The following PACS2 variants were observed in gnomAD, a reference collection of about 807,000 sequenced individuals.
PACS2 encodes the protein phosphofurin acidic cluster sorting protein 2.
A neutral mutation model predicts 113.0 loss-of-function variants in PACS2; 36 were observed. The ratio of observed to expected loss-of-function variants is 0.32; its 90% CI spans 0.24 to 0.42. PACS2 has a LOEUF of 0.42. Among genes scored for constraint, PACS2 ranks in the 10% least tolerant of loss-of-function variants. The probability of loss-of-function intolerance (pLI) is 1.00; values close to 1 mark genes in which losing one functional copy is unlikely to be tolerated. For missense variants in PACS2, 1,015 were observed against 1,239.5 expected, an observed-to-expected ratio of 0.82 and a Z score of 2.72; for synonymous variants, 589 against 536.1, an observed-to-expected ratio of 1.10 and a Z score of -1.36.
At position 105,358,132 on chromosome 14, in the gene PACS2, A is replaced by T. The variant is rs1433006213; in HGVS notation, c.423+2955A>T. Among the ~76,000 whole-genome samples the T allele has an allele frequency of 1.3e-5, 2 of 152,164 alleles. No homozygotes were observed. The highest frequency in any genetic ancestry group is 4.8e-5 in the African/African-American group (2 of 41,448). On this transcript the variant is annotated intron_variant, in intron 4 of 24. Transcript: ENST00000447393. The surrounding 1 kb of genome is among the most constrained non-coding windows in gnomAD (Gnocchi z 4.9). ...CACCATAGCTCTGCCCTCACCTGGC[A>T]CTCATTCTGTGTGAGCTGAGGCCCA... is the stretch of plus-strand genomic sequence containing the variant.
chr14:105,351,322 G>A (rs1202708537), intron 2 of PACS2, among the ~76,000 whole-genome samples: 3 of 152,160 alleles, frequency 2.0e-5, no homozygotes, highest in South Asian at 2.1e-4. Flanking sequence ...TGTCTTTCAC[G>A]CAAATGACTC....
Position 105,391,640 on chromosome 14 carries a change from A to C in PACS2, c.2129A>C (p.Asp710Ala), listed in dbSNP as rs1451165425. 5 of 1,609,590 alleles carry C rather than the reference A, an allele frequency of 3.1e-6. No homozygotes were observed. Among genetic ancestry groups the C allele is most frequent in the Admixed American group, 1.7e-5 (1 of 59,854 alleles). ...TGACTCCTCCCCAAAGGCGACTCGG[A>C]CGACGCGGCCCCCTCGGGCTCTGGC... ...EPSSATSGDS[D>A]DAAPSGSGTL... The change falls in exon 22 of 25, where the codon GAC (aspartate) becomes GCC (alanine). Residue 710 changes from aspartate to alanine, a missense_variant. Physicochemically the swap from Asp to Ala is moderately radical, Grantham distance 126. Coordinates refer to ENST00000447393, the MANE Select transcript of PACS2 (RefSeq NM_001100913.3).
At chr14:105,309,673 C>G (rs1481308428), upstream of PACS2, among the ~76,000 whole-genome samples, 2 of 152,166 alleles carry the variant, frequency 1.3e-5, no homozygotes. The surrounding 1 kb of genome is among the most constrained non-coding windows in gnomAD (Gnocchi z 4.0). Context: ...TGCGCCCAAC[C>G]CAGGAGGGGA....
intron 16 of PACS2, chr14:105,384,134 T>A: frequency 1.8e-6 from 1 of 544,614 alleles, no homozygotes; most frequent in Non-Finnish European, 3.3e-6. Flanking sequence ...CACTCAGGGC[T>A]CTGGGACCTC....
At chr14:105,347,495 T>C (rs1223831641) in intron 1 of PACS2, among the ~76,000 whole-genome samples, 2 of 152,158 alleles carry the variant, frequency 1.3e-5, no homozygotes, top group Non-Finnish European at 2.9e-5. Flanking sequence ...ATTCATACTT[T>C]GAGGGCCAAG....
chr14:105,385,667 T>G lies in PACS2; in HGVS notation c.2001-18T>G. ...GTCGTAACGTGTCTGTTTTCTCTTT[T>G]GGTGGCTTTCTGAAAAGGAAAAAGC... On this transcript the variant is annotated intron_variant, in intron 18 of 24. Transcript: ENST00000447393. 1.3e-6 allele frequency: 2 copies of G among 1,517,632 alleles called. No individual in the cohort carries two copies. Among genetic ancestry groups the G allele is most frequent in the Non-Finnish European group, 1.8e-6 (2 of 1,135,012 alleles). The allele number at this position is 1,517,632 out of a possible 1,614,324, so 94.0% of individuals were successfully genotyped here.
At chr14:105,305,128 C>T (rs2058149399) in intron 1 of PACS2, among the ~76,000 whole-genome samples, 1 of 152,140 alleles carries the variant, frequency 6.6e-6, no homozygotes, top group Admixed American at 6.6e-5. Flanking sequence ...TGGCTGGGCA[C>T]AGTGGCTCAC....
At chr14:105,394,427 T>A in intron 24 of PACS2, 127 bp from the exon 25 acceptor site, 1 of 1,495,628 alleles carries the variant, frequency 6.7e-7, no homozygotes, top group Non-Finnish European at 8.9e-7. Flanking sequence ...GTTGATGCCC[T>A]CCAGCATGGG....
rs1555407942 is a variant in PACS2 at position 105,366,461 on chromosome 14, T to A, written c.424-752T>A. On this transcript the variant is annotated intron_variant, in intron 4 of 24. Coordinates refer to ENST00000447393, the MANE Select transcript of PACS2 (RefSeq NM_001100913.3). The surrounding 1 kb of genome is among the most constrained non-coding windows in gnomAD (Gnocchi z 4.3). ...AGCTGGCCCCAAGGCTGTGAGTGTCTGAGAGTTGTCGTCATGGCGTGTGGT... is the reference window on the plus strand; with the variant it reads ...AGCTGGCCCCAAGGCTGTGAGTGTCAGAGAGTTGTCGTCATGGCGTGTGGT... 1.3e-5 allele frequency among the ~76,000 whole-genome samples: 2 copies of A among 152,220 alleles called. No homozygotes were observed. Among genetic ancestry groups the A allele is most frequent in the Non-Finnish European group, 2.9e-5 (2 of 68,040 alleles).
At position 105,323,462 on chromosome 14, in the gene PACS2, G is replaced by A. The variant is rs1041556633; in HGVS notation, c.119+8425G>A. Among the ~76,000 whole-genome samples, 2 of 152,244 alleles carry A rather than the reference G, an allele frequency of 1.3e-5. No individual in the cohort carries two copies. The highest frequency in any genetic ancestry group is 2.9e-5 in the Non-Finnish European group (2 of 68,050). Reference sequence around the variant, plus strand: ...CCAGCCTGCACGAGACTCTCACGGCGGGACCCTGTCTGCCTTGCTCGGTGC... The same window carrying A: ...CCAGCCTGCACGAGACTCTCACGGCAGGACCCTGTCTGCCTTGCTCGGTGC... On this transcript the variant is annotated intron_variant, in intron 1 of 24. Coordinates refer to ENST00000447393, the MANE Select transcript of PACS2 (RefSeq NM_001100913.3). This position sits in a 1 kb window ranked among gnomAD's most constrained non-coding sequence, Gnocchi z 4.1.
intron 1 of PACS2, among the ~76,000 whole-genome samples, chr14:105,320,058 A>C (rs1487452592): frequency 6.6e-6 from 1 of 151,606 alleles, no homozygotes; most frequent in Non-Finnish European, 1.5e-5. Flanking sequence ...GCTCACTGCA[A>C]CCTCTGCCTC....
rs954986388 is a variant in PACS2 at position 105,376,001 on chromosome 14, A to G, written c.802-767A>G. Among the ~76,000 whole-genome samples the G allele has an allele frequency of 7.2e-5, 11 of 152,190 alleles. No homozygotes were observed. The highest frequency in any genetic ancestry group is 2.7e-4 in the African/African-American group (11 of 41,444). On this transcript the variant is annotated intron_variant, in intron 8 of 24. Coordinates refer to ENST00000447393, the MANE Select transcript of PACS2 (RefSeq NM_001100913.3). This position sits in a 1 kb window ranked among gnomAD's most constrained non-coding sequence, Gnocchi z 4.7. ...TCAGGAAGCTGCCAATCATGGCAGA[A>G]GGGGAAGCAGGCACCTTCTTTATGG...
rs782705299 is a variant in PACS2, at chr14:105,352,374, A to G, written c.208-4A>G. The G allele has an allele frequency of 7.5e-6, 12 of 1,604,726 alleles. No individual in the cohort carries two copies. Among genetic ancestry groups the G allele is most frequent in the Non-Finnish European group, 8.5e-7 (1 of 1,171,806 alleles). On this transcript the variant is annotated splice_polypyrimidine_tract_variant and splice_region_variant and intron_variant, in intron 2 of 24. Transcript: ENST00000447393. ...GAGCTAGAACAGGTCTTGCTTAATC[A>G]CAGGGCTCCAAACGAATCCTGCGGT...
At chr14:105,344,279 A>G (rs2059838484) in intron 1 of PACS2, among the ~76,000 whole-genome samples, 1 of 149,120 alleles carries the variant, frequency 6.7e-6, no homozygotes, top group African/African-American at 2.5e-5. Context: ...TTGTTTTTGG[A>G]AGATTTAATT....
rs1442567113 is a variant in PACS2 at position 105,365,351 on chromosome 14, C to T, written c.424-1862C>T. Among the ~76,000 whole-genome samples, 6 of 152,304 alleles carry T rather than the reference C, an allele frequency of 3.9e-5. No individual in the cohort carries two copies. The highest frequency in any genetic ancestry group is 1.4e-4 in the African/African-American group (6 of 41,570). On this transcript the variant is annotated intron_variant, in intron 4 of 24. Coordinates refer to ENST00000447393, the MANE Select transcript of PACS2 (RefSeq NM_001100913.3). This position sits in a 1 kb window ranked among gnomAD's most constrained non-coding sequence, Gnocchi z 5.1. ...AACATGCAGCCTGGAGTGTCGGGGC[C>T]TGGGACTTCCAGGGCCTGCAGATAT... is the stretch of plus-strand genomic sequence containing the variant.
In PACS2 at chr14:105,366,480, G is replaced by A. The variant is rs372505452; in HGVS notation, c.424-733G>A. On this transcript the variant is annotated intron_variant, in intron 4 of 24. Coordinates refer to ENST00000447393, the MANE Select transcript of PACS2 (RefSeq NM_001100913.3). The surrounding 1 kb of genome is among the most constrained non-coding windows in gnomAD (Gnocchi z 4.3). ...AGTGTCTGAGAGTTGTCGTCATGGC[G>A]TGTGGTTCTGAGGCTGGCGTGGGGC... Among the ~76,000 whole-genome samples the A allele has an allele frequency of 1.3e-5, 2 of 152,232 alleles. No homozygotes were observed. Among genetic ancestry groups the A allele is most frequent in the African/African-American group, 2.4e-5 (1 of 41,464 alleles).
chr14:105,377,497 A>G (rs1195789274), intron 9 of PACS2, among the ~76,000 whole-genome samples: 2 of 152,082 alleles, frequency 1.3e-5, no homozygotes, highest in African/African-American at 4.8e-5. Context: ...GCAGGAAGGC[A>G]AGCACACCAG....
chr14:105,349,796 G>T (rs1555403480), intron 2 of PACS2, among the ~76,000 whole-genome samples: 2 of 152,266 alleles, frequency 1.3e-5, no homozygotes, highest in Admixed American at 6.5e-5. Context: ...GGAACTTCCA[G>T]GAGCGTGTGG....
At chr14:105,359,297 G>T (rs2060578664) in intron 4 of PACS2, among the ~76,000 whole-genome samples, 1 of 150,858 alleles carries the variant, frequency 6.6e-6, no homozygotes. Context: ...TATTTTTACT[G>T]TGCTTTTTTT....
Sources: gnomAD v4.1 joint callset for allele counts (sites outside exome capture counted in the v4.1 genomes callset) on GRCh38, gnomAD v4.1.1 for gene constraint, Gnocchi (gnomAD v3.1) non-coding constraint, MANE v1.5 for transcripts, NCBI Gene and HGNC (gene_info 2026-07-23, HGNC 2026-07-21) for gene names.